POLR2F: variants seen among roughly 807,000 people sequenced by gnomAD.
POLR2F encodes the protein DNA-directed RNA polymerases I, II, and III subunit RPABC2.
A neutral mutation model predicts 22.7 loss-of-function variants in POLR2F; 12 were observed. That is an observed-to-expected ratio of 0.53 (90% CI 0.34 to 0.86). The LOEUF (loss-of-function observed/expected upper bound fraction) is 0.86, where lower values mean the gene tolerates loss of function less well. Ranked by LOEUF, POLR2F falls within the 40% of genes least tolerant of loss-of-function variation. The pLI is 0.02. For synonymous variants in POLR2F, 57 were observed against 66.0 expected (o/e 0.86, Z 0.66); for missense variants, 126 against 171.5 (o/e 0.73, Z 1.48).
rs1014678269 is a variant in POLR2F, at chr22:37,966,990, G to A, written c.222-109G>A. 6.7e-6 allele frequency: 5 copies of A among 741,618 alleles called. No individual in the cohort carries two copies. The African/African-American group carries it at 8.9e-5, about 13-fold the overall frequency. 45.9% of individuals were successfully genotyped at this position (741,618 alleles called of 1,614,324 possible). A position where few individuals can be genotyped will look rare whatever the true frequency, so the allele number is the denominator to read the frequency against. ...ACTCCCTACTGTGCCTGCCTACCTA[G>A]AAGATGACGTTTCTAGGTGGGGACC... On this transcript the variant is annotated intron_variant, in intron 3 of 4. Transcript: ENST00000442738.
chr22:38,009,152 C>T (rs1414016810), intron 1 of POLR2F, among the ~76,000 whole-genome samples: 2 of 152,146 alleles, frequency 1.3e-5, no homozygotes, highest in Admixed American at 1.3e-4. Flanking sequence ...GCAGCTGGGA[C>T]AGAATGAGCG....
intron 1 of POLR2F, among the ~76,000 whole-genome samples, chr22:37,990,068 TG>T (rs1412598841): frequency 1.3e-5 from 2 of 152,184 alleles, no homozygotes; most frequent in Non-Finnish European, 2.9e-5. Context: ...CAGTTCCTAT[TG>T]GGAGCCCCTG....
intron 2 of POLR2F, among the ~76,000 whole-genome samples, chr22:37,958,186 A>C (rs1931476675): frequency 6.9e-6 from 1 of 144,664 alleles, no homozygotes; most frequent in African/African-American, 2.6e-5. Context: ...CTCAGAGTCA[A>C]CTTTTTTTTT....
chr22:38,036,908 C>T (rs1029913502), intron 5 of POLR2F, among the ~76,000 whole-genome samples: 8 of 152,162 alleles, frequency 5.3e-5, no homozygotes, highest in African/African-American at 1.9e-4. Flanking sequence ...ATTCTTTCCC[C>T]AGACATCCTT....
chr22:38,027,930 C>T (rs1004367347), downstream of POLR2F, among the ~76,000 whole-genome samples: 2 of 152,132 alleles, frequency 1.3e-5, no homozygotes, highest in East Asian at 3.8e-4. Flanking sequence ...TACAAGGTGG[C>T]GCTGTTACCC....
chr22:38,025,800 C>A, intron 1 of POLR2F: 3 of 1,515,762 alleles, frequency 2.0e-6, no homozygotes, highest in South Asian at 2.4e-5. Flanking sequence ...CTCTTTTGGG[C>A]ACTTTTCATG....
chr22:38,003,943 G>A (rs1262164474), intron 1 of POLR2F, among the ~76,000 whole-genome samples: 1 of 152,154 alleles, frequency 6.6e-6, no homozygotes, highest in Non-Finnish European at 1.5e-5. Context: ...GATGGGGAAG[G>A]GAGGGAGGTG....
chr22:37,954,635 C>G (rs1186105228), intron 1 of POLR2F, among the ~76,000 whole-genome samples: 1 of 152,142 alleles, frequency 6.6e-6, no homozygotes, highest in Non-Finnish European at 1.5e-5. Flanking sequence ...AAGTCAGTAG[C>G]TTATAGTAGG....
At chr22:37,959,114 C>T (rs374159365) in intron 2 of POLR2F, among the ~76,000 whole-genome samples, 139 of 152,276 alleles carry the variant, frequency 9.1e-4, no homozygotes, top group African/African-American at 3.2e-3. Context: ...AGGTCTGAGG[C>T]TTGGTCAGGT....
chr22:37,967,860 T>C lies in POLR2F; in HGVS notation c.*145T>C. 2.1e-6 allele frequency: 3 copies of C among 1,419,498 alleles called. No homozygotes were observed. Among genetic ancestry groups the C allele is most frequent in the Non-Finnish European group, 2.8e-6 (3 of 1,090,250 alleles). 87.9% of individuals were successfully genotyped at this position (1,419,498 alleles called of 1,614,324 possible). A position where few individuals can be genotyped will look rare whatever the true frequency, so the allele number is the denominator to read the frequency against. Reference sequence around the variant, plus strand: ...ACCTGTTGCTTCCCCGTTACCGCCATGCTGCGTGGAGCATGCACCTATTCC... The same window carrying C: ...ACCTGTTGCTTCCCCGTTACCGCCACGCTGCGTGGAGCATGCACCTATTCC... On this transcript the variant is annotated 3_prime_UTR_variant, in exon 5 of 5. Coordinates refer to ENST00000442738, the MANE Select transcript of POLR2F (RefSeq NM_021974.5).
chr22:37,973,259 C>T, downstream of POLR2F: 2 of 496,606 alleles, frequency 4.0e-6, no homozygotes, highest in African/African-American at 1.9e-5. Flanking sequence ...GTGGGTGCAA[C>T]AGTCAACCTC....
intron 1 of POLR2F, among the ~76,000 whole-genome samples, chr22:38,012,882 C>T (rs1486774382): frequency 1.3e-5 from 2 of 152,174 alleles, no homozygotes; most frequent in African/African-American, 4.8e-5. Context: ...ATTGATATGT[C>T]TTATTCATGG....
downstream of POLR2F, chr22:37,971,339 G>A (rs1206129102): frequency 1.9e-5 from 9 of 470,354 alleles, no homozygotes; most frequent in South Asian, 7.8e-5. Flanking sequence ...CCCTTCACTG[G>A]CCTGAATGAC....
In POLR2F at chr22:37,967,811, C is replaced by T. The variant is rs1261005315; in HGVS notation, c.*96C>T. 7 of 1,493,064 alleles carry T rather than the reference C, an allele frequency of 4.7e-6. No homozygotes were observed. Among genetic ancestry groups the T allele is most frequent in the Middle Eastern group, 1.8e-4 (1 of 5,456 alleles). The allele number at this position is 1,493,064 out of a possible 1,614,324, so 92.5% of individuals were successfully genotyped here. A position where few individuals can be genotyped will look rare whatever the true frequency, so the allele number is the denominator to read the frequency against. ...ATATTCAACTTTCCAACCCCCTTCC[C>T]CTCTGCTTATCTGCAATGTCACCAC... On this transcript the variant is annotated 3_prime_UTR_variant, in exon 5 of 5. Transcript: ENST00000442738.
At chr22:38,000,708 G>A (rs1400055274) in intron 1 of POLR2F, among the ~76,000 whole-genome samples, 2 of 152,168 alleles carry the variant, frequency 1.3e-5, no homozygotes, top group Non-Finnish European at 2.9e-5. Context: ...GGCTTTGGAG[G>A]TGTAAGGTGT....
Position 37,968,768 on chromosome 22 carries a change from G to T in POLR2F, c.*1053G>T, listed in dbSNP as rs1482893069. The T allele has an allele frequency of 2.0e-6, 2 of 985,476 alleles. No individual in the cohort carries two copies. Among genetic ancestry groups the T allele is most frequent in the Non-Finnish European group, 2.4e-6 (2 of 829,950 alleles). 61.0% of individuals were successfully genotyped at this position (985,476 alleles called of 1,614,324 possible). A position where few individuals can be genotyped will look rare whatever the true frequency, so the allele number is the denominator to read the frequency against. On this transcript the variant is annotated 3_prime_UTR_variant, in exon 5 of 5. Coordinates refer to ENST00000442738, the MANE Select transcript of POLR2F (RefSeq NM_021974.5). ...CTCCCCTTCAAAGAGGAGGAGCTGG[G>T]CTTCCCTAACCTCTGCAGGAGGCAG...
intron 4 of POLR2F, chr22:37,977,721 C>T (rs147054338): frequency 3.5e-6 from 3 of 860,604 alleles, no homozygotes; most frequent in South Asian, 3.4e-5. Context: ...CCCCATGGAG[C>T]TCCCTCTGGG....
upstream of POLR2F, chr22:37,983,675 C>T: frequency 1.9e-6 from 3 of 1,567,872 alleles, no homozygotes; most frequent in South Asian, 2.3e-5. The surrounding 1 kb of genome is among the most constrained non-coding windows in gnomAD (Gnocchi z 9.5). Flanking sequence ...CGATCCGCCG[C>T]CGCCGCCGTC....
chr22:37,956,583 AT>A (rs1481576074), intron 1 of POLR2F, among the ~76,000 whole-genome samples, 189 bp from the exon 2 acceptor site: 1 of 151,748 alleles, frequency 6.6e-6, no homozygotes, highest in African/African-American at 2.4e-5. Context: ...TGCCCGGCTA[AT>A]TTTTGTATTT....
Sources: gnomAD v4.1 joint callset for allele counts (sites outside exome capture counted in the v4.1 genomes callset) on GRCh38, gnomAD v4.1.1 for gene constraint, Gnocchi (gnomAD v3.1) non-coding constraint, MANE v1.5 for transcripts, NCBI Gene and HGNC (gene_info 2026-07-23, HGNC 2026-07-21) for gene names.